The following RIPOR2 variants were observed in gnomAD, a reference collection of about 807,000 sequenced individuals.
RIPOR2 encodes rho family-interacting cell polarization regulator 2.
A neutral mutation model predicts 114.5 loss-of-function variants in RIPOR2; 39 were observed. That is an observed-to-expected ratio of 0.34 (90% CI 0.26 to 0.44). RIPOR2 has a LOEUF of 0.44. Ranked by LOEUF, RIPOR2 falls within the 20% of genes least tolerant of loss-of-function variation. The probability of loss-of-function intolerance (pLI) is 1.00; values close to 1 mark genes in which losing one functional copy is unlikely to be tolerated. For synonymous variants in RIPOR2, 445 were observed against 484.4 expected (o/e 0.92, Z 1.07); for missense variants, 1,007 against 1,255.1 (o/e 0.80, Z 2.99).
intron 1 of RIPOR2, among the ~76,000 whole-genome samples, chr6:24,900,222 C>A (rs1768287111): frequency 2.6e-5 from 4 of 152,108 alleles, no homozygotes; most frequent in African/African-American, 9.7e-5. Context: ...GTATTTACAT[C>A]CACAGCCGCA....
At chr6:24,993,409 T>G (rs1188506036) in intron 1 of RIPOR2, among the ~76,000 whole-genome samples, 6 of 152,262 alleles carry the variant, frequency 3.9e-5, no homozygotes, top group Non-Finnish European at 5.9e-5. Flanking sequence ...AATCCATGCT[T>G]CTTTTTCTGT....
At chr6:24,978,292 C>A (rs1774159156) in intron 1 of RIPOR2, among the ~76,000 whole-genome samples, 1 of 151,982 alleles carries the variant, frequency 6.6e-6, no homozygotes, top group Non-Finnish European at 1.5e-5. Flanking sequence ...GCCTGAATGT[C>A]CCCGTTTCCA....
intron 1 of RIPOR2, among the ~76,000 whole-genome samples, chr6:25,003,561 C>G (rs1291528730): frequency 6.6e-6 from 1 of 151,988 alleles, no homozygotes; most frequent in African/African-American, 2.4e-5. Flanking sequence ...TCCCAAGTAG[C>G]TGGGACTACA....
At chr6:24,838,748 C>T (rs557483621) in intron 14 of RIPOR2, among the ~76,000 whole-genome samples, 91 of 152,146 alleles carry the variant, frequency 6.0e-4, no homozygotes, top group Middle Eastern at 3.4e-3. Context: ...GAGCTGAGAT[C>T]GCACCACTGC....
chr6:24,840,560 A>C, intron 13 of RIPOR2: 2 of 1,457,162 alleles, frequency 1.4e-6, no homozygotes, highest in African/African-American at 1.4e-5. Flanking sequence ...GAAGCACTAA[A>C]TGTCCTCCAT....
At chr6:24,837,254 C>T (rs1761200233) in intron 14 of RIPOR2, among the ~76,000 whole-genome samples, 1 of 152,124 alleles carries the variant, frequency 6.6e-6, no homozygotes. Flanking sequence ...TCCTGAGTAA[C>T]TAGGACTACA....
intron 1 of RIPOR2, among the ~76,000 whole-genome samples, chr6:24,984,664 TA>T (rs1193751591): frequency 7.5e-6 from 1 of 134,028 alleles, no homozygotes; most frequent in African/African-American, 2.7e-5. Context: ...AAAAAAAACC[TA>T]AAAAATAAAT....
chr6:25,005,730 T>TAC (rs1433362067), intron 1 of RIPOR2, among the ~76,000 whole-genome samples: 3 of 109,376 alleles, frequency 2.7e-5, no homozygotes, highest in African/African-American at 6.7e-5. Context: ...TATATATATA[T>TAC]ATATATATAT....
chr6:25,042,041 C>A (rs537987018), upstream of RIPOR2: 65 of 491,704 alleles, frequency 1.3e-4, no homozygotes, highest in African/African-American at 4.2e-4. Context: ...TTAACCCCCC[C>A]CTTTTTGTTC....
intron 1 of RIPOR2, among the ~76,000 whole-genome samples, chr6:25,020,265 G>GA (rs982972403): frequency 6.6e-6 from 1 of 151,790 alleles, no homozygotes; most frequent in African/African-American, 2.4e-5. Context: ...AATTGTGCAA[G>GA]AAAAAAAAGA....
At chr6:24,859,329 T>G (rs551708131) in intron 8 of RIPOR2, among the ~76,000 whole-genome samples, 1 of 152,288 alleles carries the variant, frequency 6.6e-6, no homozygotes, top group South Asian at 2.1e-4. Context: ...TGCTAGTCTG[T>G]GTGGGTGGCG....
rs772453057 is a variant in RIPOR2, at chr6:24,850,608, T to C, written c.874A>G (p.Ile292Val). Reference protein sequence around the residue: ...TVFLPLIVGFISIKVTELKGL... With the variant: ...TVFLPLIVGFVSIKVTELKGL... ...TGACAATACTGTACCTTGATGGAGATGAACCCAACTATCAGGGGCAGAAAA... is the reference window on the plus strand; with the variant it reads ...TGACAATACTGTACCTTGATGGAGACGAACCCAACTATCAGGGGCAGAAAA... Residue 292 changes from isoleucine to valine, a missense_variant, in exon 10 of 22, where the codon ATC (isoleucine) becomes GTC (valine). By Grantham distance (29) the Ile-to-Val change is conservative. Transcript: ENST00000643898. The C allele has an allele frequency of 2.7e-5, 44 of 1,613,956 alleles. No homozygotes were observed. The South Asian group carries it at 4.6e-4, about 17-fold the overall frequency.
intron 1 of RIPOR2, chr6:24,929,560 T>C (rs1189184824): frequency 2.6e-5 from 4 of 152,252 alleles, no homozygotes; most frequent in Non-Finnish European, 4.4e-5. Context: ...GTTCTTTTTC[T>C]TGCTCTCCAA....
intron 1 of RIPOR2, among the ~76,000 whole-genome samples, chr6:24,880,526 T>C (rs1766244794): frequency 6.6e-6 from 1 of 152,220 alleles, no homozygotes; most frequent in Non-Finnish European, 1.5e-5. Flanking sequence ...TATTTGTGTA[T>C]TTTTCATATA....
intron 1 of RIPOR2, among the ~76,000 whole-genome samples, chr6:24,945,931 C>T (rs1772381754): frequency 6.6e-6 from 1 of 152,098 alleles, no homozygotes; most frequent in East Asian, 1.9e-4. Flanking sequence ...TTACAAATTC[C>T]TGTCTCACTG....
intron 1 of RIPOR2, among the ~76,000 whole-genome samples, chr6:24,941,160 C>A (rs539050857): frequency 9.9e-5 from 15 of 152,210 alleles, no homozygotes; most frequent in Non-Finnish European, 1.0e-4. Context: ...CTGGGGAAGC[C>A]TGACCAAAGT....
upstream of RIPOR2, chr6:24,936,028 CTG>C: frequency 1.6e-6 from 1 of 639,736 alleles, no homozygotes; most frequent in Non-Finnish European, 2.7e-6. Context: ...CGCATCTGCC[CTG>C]AAGAAAGCAG....
At chr6:24,882,984 C>T (rs886358397) in intron 1 of RIPOR2, among the ~76,000 whole-genome samples, 20 of 152,130 alleles carry the variant, frequency 1.3e-4, no homozygotes, top group Non-Finnish European at 2.1e-4. Flanking sequence ...AGGATGAGAC[C>T]AGGGCTTTTC....
chr6:24,853,265 G>A (rs1763139152), intron 8 of RIPOR2, among the ~76,000 whole-genome samples: 2 of 152,156 alleles, frequency 1.3e-5, no homozygotes, highest in African/African-American at 4.8e-5. Context: ...CTTCTACTGT[G>A]CCATCCAGCA....
Sources: gnomAD v4.1 joint callset for allele counts (sites outside exome capture counted in the v4.1 genomes callset) on GRCh38, gnomAD v4.1.1 for gene constraint, MANE v1.5 for transcripts, NCBI Gene and HGNC (gene_info 2026-07-23, HGNC 2026-07-21) for gene names.